ANO2: variants seen among roughly 807,000 people sequenced by gnomAD.
The protein encoded by ANO2 is anoctamin-2.
A neutral mutation model predicts 124.2 loss-of-function variants in ANO2; 101 were observed. The ratio of observed to expected loss-of-function variants is 0.81; its 90% CI spans 0.69 to 0.96. The LOEUF (loss-of-function observed/expected upper bound fraction) is 0.96, where lower values mean the gene tolerates loss of function less well. Among genes scored for constraint, ANO2 ranks in the 40% least tolerant of loss-of-function variants. The pLI, the probability that ANO2 is intolerant of heterozygous loss-of-function variation, is 0.00. For synonymous variants in ANO2, 486 were observed against 482.5 expected (o/e 1.01, Z -0.09); for missense variants, 1,293 against 1,274.5 (o/e 1.01, Z -0.22).
At chr12:5,691,060 T>G (rs1471574743) in intron 14 of ANO2, among the ~76,000 whole-genome samples, 1 of 152,020 alleles carries the variant, frequency 6.6e-6, no homozygotes, top group Admixed American at 6.5e-5. Flanking sequence ...CCAGGTGCGG[T>G]GGCTCACGCC....
intron 3 of ANO2, among the ~76,000 whole-genome samples, chr12:5,907,465 T>C (rs895641164): frequency 2.0e-5 from 3 of 152,214 alleles, no homozygotes; most frequent in African/African-American, 4.8e-5. Context: ...AAAGAGGCAA[T>C]TGGCACATAT....
chr12:5,649,807 TG>T (rs1946827272), intron 14 of ANO2, among the ~76,000 whole-genome samples: 2 of 151,974 alleles, frequency 1.3e-5, no homozygotes, highest in African/African-American at 4.8e-5. Context: ...TGTGTGTGTG[TG>T]TGTGTGTGTA....
intron 10 of ANO2, among the ~76,000 whole-genome samples, chr12:5,753,105 G>GA (rs980015580): frequency 4.6e-5 from 7 of 152,062 alleles, no homozygotes; most frequent in Non-Finnish European, 7.4e-5. Context: ...ATGCCTGGAA[G>GA]AAAAAAACAC....
intron 14 of ANO2, among the ~76,000 whole-genome samples, chr12:5,649,607 A>AT (rs1478672267): frequency 6.6e-6 from 1 of 151,932 alleles, no homozygotes; most frequent in Admixed American, 6.6e-5. Context: ...CCTTAAGGGT[A>AT]TTTTTTTGGG....
chr12:5,867,820 C>T (rs1432100632), intron 3 of ANO2, among the ~76,000 whole-genome samples: 3 of 142,498 alleles, frequency 2.1e-5, no homozygotes, highest in African/African-American at 5.1e-5. Flanking sequence ...TTGATTACTT[C>T]GTGAGCTTCC....
chr12:5,925,244 G>A lies in ANO2; in HGVS notation c.23-2440C>T, dbSNP rs763197716. The stretch of plus-strand genomic sequence containing the variant: ...GTGGCTCAGAGTAGCTCAGATTCAA[G>A]GGCAATGCAAAGCTTTGGTCCAGCT... On this transcript the variant is annotated intron_variant, in intron 1 of 24. Coordinates refer to ENST00000682330, the MANE Select transcript of ANO2 (RefSeq NM_001364791.2). This position sits in a 1 kb window ranked among gnomAD's most constrained non-coding sequence, Gnocchi z 4.6. Among the ~76,000 whole-genome samples, 27 of 152,190 alleles carry A rather than the reference G, an allele frequency of 1.8e-4. No homozygotes were observed. Among genetic ancestry groups the A allele is most frequent in the Non-Finnish European group, 3.7e-4 (25 of 68,032 alleles).
At chr12:5,641,223 A>G (rs56182632) in intron 15 of ANO2, among the ~76,000 whole-genome samples, 3,104 of 60,594 alleles carry the variant, frequency 0.051, 116 homozygotes, top group African/African-American at 0.17. Context: ...GGGGCCTGTC[A>G]GGGGGTGGGG....
chr12:5,775,286 G>A (rs1351878513), intron 10 of ANO2, among the ~76,000 whole-genome samples: 3 of 152,094 alleles, frequency 2.0e-5, no homozygotes, highest in Non-Finnish European at 2.9e-5. Context: ...CACACAGAGA[G>A]AGAGAGAGAG....
intron 14 of ANO2, among the ~76,000 whole-genome samples, chr12:5,649,624 G>C (rs1054858669): frequency 5.3e-5 from 8 of 151,932 alleles, no homozygotes; most frequent in African/African-American, 1.9e-4. Context: ...TGGGGGGTGG[G>C]GATGGAGTCT....
Position 5,925,983 on chromosome 12 carries a change from C to T in ANO2, c.23-3179G>A, listed in dbSNP as rs534888496. The stretch of plus-strand genomic sequence containing the variant: ...CTCTCCTGCAGGCACCAGGTCCACA[C>T]ATTCCCCTGCCTGCTCAGCATCTAC... On this transcript the variant is annotated intron_variant, in intron 1 of 24. Transcript: ENST00000682330. The surrounding 1 kb of genome is among the most constrained non-coding windows in gnomAD (Gnocchi z 4.6). Among the ~76,000 whole-genome samples the T allele has an allele frequency of 6.6e-6, 1 of 152,080 alleles. No homozygotes were observed. Among genetic ancestry groups the T allele is most frequent in the African/African-American group, 2.4e-5 (1 of 41,386 alleles).
At chr12:5,590,341 G>A (rs1439176356) in intron 20 of ANO2, among the ~76,000 whole-genome samples, 5 of 152,192 alleles carry the variant, frequency 3.3e-5, no homozygotes, top group Admixed American at 3.3e-4. Context: ...AGGAAAGATC[G>A]TCGACACAGC....
chr12:5,599,605 C>G lies in ANO2; in HGVS notation c.2112G>C (p.Lys704Asn). 2 of 1,613,788 alleles carry G rather than the reference C, an allele frequency of 1.2e-6. No homozygotes were observed. Residue 704 changes from lysine to asparagine, a missense_variant, in exon 20 of 25, where the codon AAG becomes AAC. Lys to Asn is a moderately conservative substitution (Grantham distance 94). Transcript: ENST00000682330. ...CTCCAGCTTCGGTCTCATCTTTCAGCTTTCGAAATAGTTTCTTTAGCTTCC... is the reference window on the plus strand; with the variant it reads ...CTCCAGCTTCGGTCTCATCTTTCAGGTTTCGAAATAGTTTCTTTAGCTTCC... Reference protein sequence around the residue: ...GVPKLKKLFRKLKDETEAGET... With the variant: ...GVPKLKKLFRNLKDETEAGET...
chr12:5,890,058 T>G (rs2136271326), intron 3 of ANO2, among the ~76,000 whole-genome samples: 1 of 150,692 alleles, frequency 6.6e-6, no homozygotes. Flanking sequence ...TTTTTTTTTT[T>G]TCTGTCCAGA....
chr12:5,570,088 A>G (rs1395924079), intron 23 of ANO2, among the ~76,000 whole-genome samples: 1 of 152,248 alleles, frequency 6.6e-6, no homozygotes, highest in East Asian at 1.9e-4. Context: ...ACAGAAATCA[A>G]CATTATGTTT....
intron 10 of ANO2, among the ~76,000 whole-genome samples, chr12:5,791,296 GA>G (rs917731329): frequency 2.9e-4 from 42 of 146,878 alleles, no homozygotes; most frequent in South Asian, 4.3e-4. Context: ...GAAGGACTCA[GA>G]AAAAAAAAAG....
chr12:5,610,274 C>T (rs1383792351), intron 19 of ANO2, among the ~76,000 whole-genome samples: 1 of 111,404 alleles, frequency 9.0e-6, no homozygotes, highest in Non-Finnish European at 1.7e-5. Context: ...TATATAAATG[C>T]ATATATTTAT....
intron 1 of ANO2, among the ~76,000 whole-genome samples, 160 bp downstream of exon 1, chr12:5,945,036 C>T (rs1206468697): frequency 2.0e-5 from 3 of 152,170 alleles, no homozygotes; most frequent in African/African-American, 7.2e-5. Flanking sequence ...CCCTCAGAGT[C>T]CCTACCCTGG....
chr12:5,637,359 G>GTGTA lies in ANO2; in HGVS notation c.1621-2013_1621-2012insTACA, dbSNP rs1254307857. On this transcript the variant is annotated intron_variant, in intron 15 of 24. Coordinates refer to ENST00000682330, the MANE Select transcript of ANO2 (RefSeq NM_001364791.2). ...AGTGAATGTGTGTGTGTGTGTGTGT[G>GTGTA]TACGTGTGTGTGTATTTGGGGTTGG... Among the ~76,000 whole-genome samples, 6 of 151,270 alleles carry GTGTA rather than the reference G, an allele frequency of 4.0e-5. No individual in the cohort carries two copies. In the South Asian group the frequency reaches 6.3e-4, roughly 16 times the overall value.
In ANO2 at chr12:5,635,109, TA is replaced by T; in HGVS notation, c.1816+42del. ...ACCAAAAGCCTTGCACGCATTGACT[TA>T]AAGAGGGCCTAGGACAGCCAGAAGT... On this transcript the variant is annotated intron_variant, in intron 16 of 24. Coordinates refer to ENST00000682330, the MANE Select transcript of ANO2 (RefSeq NM_001364791.2). This position sits in a 1 kb window ranked among gnomAD's most constrained non-coding sequence, Gnocchi z 5.2. The T allele has an allele frequency of 6.7e-7, 1 of 1,496,708 alleles. No individual in the cohort carries two copies. The highest frequency in any genetic ancestry group is 8.9e-7 in the Non-Finnish European group (1 of 1,124,890). 92.7% of individuals were successfully genotyped at this position (1,496,708 alleles called of 1,614,324 possible). A position where few individuals can be genotyped will look rare whatever the true frequency, so the allele number is the denominator to read the frequency against.
Sources: allele counts gnomAD v4.1 joint callset (sites outside exome capture counted in the v4.1 genomes callset), GRCh38; gene constraint gnomAD v4.1.1; non-coding constraint Gnocchi (gnomAD v3.1); transcripts MANE v1.5; gene names NCBI Gene and HGNC (gene_info 2026-07-23, HGNC 2026-07-21).